Variants in SELENOF observed in about 807,000 individuals in gnomAD.
SELENOF encodes selenoprotein F.
SELENOF carries 16 observed loss-of-function variants against 20.5 expected under a neutral mutation model. That is an observed-to-expected ratio of 0.78 (90% CI 0.53 to 1.19). The LOEUF (loss-of-function observed/expected upper bound fraction) is 1.19, where lower values mean the gene tolerates loss of function less well. SELENOF is among the 50% of genes most tolerant of loss of function. The pLI, the probability that SELENOF is intolerant of heterozygous loss-of-function variation, is 0.00. For synonymous variants in SELENOF, 78 were observed against 74.5 expected (o/e 1.05, Z -0.24); for missense variants, 215 against 194.2 (o/e 1.11, Z -0.64).
rs1472849938 is a variant in SELENOF, at chr1:86,868,182, T to G, written c.317-80A>C. On this transcript the variant is annotated intron_variant, in intron 3 of 4. Coordinates refer to ENST00000331835, the MANE Select transcript of SELENOF (RefSeq NM_004261.5). The stretch of plus-strand genomic sequence containing the variant: ...AAAAAGATTAATATAAAAGTGGAAA[T>G]AAACAACAAATCAAACATTATATCC... 1.0e-5 allele frequency: 7 copies of G among 680,270 alleles called. 1 individual carries two copies. Among genetic ancestry groups the G allele is most frequent in the Non-Finnish European group, 1.5e-5 (6 of 404,566 alleles). The allele number at this position is 680,270 out of a possible 1,614,324, so 42.1% of individuals were successfully genotyped here. A position where few individuals can be genotyped will look rare whatever the true frequency, so the allele number is the denominator to read the frequency against.
intron 1 of SELENOF, among the ~76,000 whole-genome samples, chr1:86,913,130 G>A (rs1378395951): frequency 6.6e-6 from 1 of 152,146 alleles, no homozygotes. Flanking sequence ...TTTGAGAAAG[G>A]TAAGTACAGG....
In SELENOF at chr1:86,882,414, G is replaced by C. The variant is rs189141263; in HGVS notation, c.253-1689C>G. Among the ~76,000 whole-genome samples the C allele has an allele frequency of 3.9e-3, 580 of 150,460 alleles. 3 individuals carry two copies. Among genetic ancestry groups the C allele is most frequent in the African/African-American group, 0.014 (558 of 40,950 alleles). Reference sequence around the variant, plus strand: ...TTACCAATAAGCTAATGAAGGGATGGTCAATATTACTAGAGATTAGGGAAA... The same window carrying C: ...TTACCAATAAGCTAATGAAGGGATGCTCAATATTACTAGAGATTAGGGAAA... On this transcript the variant is annotated intron_variant, in intron 2 of 4. Coordinates refer to ENST00000331835, the MANE Select transcript of SELENOF (RefSeq NM_004261.5).
rs199657452 is a variant in SELENOF at position 86,914,055 on chromosome 1, C to T, written c.57G>A (p.Arg19=). ...SGCLVPAFGL[R]LLLATVLQAV... The stretch of plus-strand genomic sequence containing the variant: ...CTTGAAGCACAGTCGCCAACAACAA[C>T]CGTAGCCCAAACGCCGGCACCAGAC... The change falls in exon 1 of 5, where the codon CGG becomes CGA. Residue 19 remains arginine (R), a synonymous_variant. Coordinates refer to ENST00000331835, the MANE Select transcript of SELENOF (RefSeq NM_004261.5). 8.0e-5 allele frequency: 129 copies of T among 1,613,994 alleles called. No homozygotes were observed. In the African/African-American group the frequency reaches 1.5e-3, roughly 19 times the overall value.
rs754628331 is a variant in SELENOF, at chr1:86,903,358, C to T, written c.175G>A (p.Gly59Arg). The T allele has an allele frequency of 8.9e-5, 143 of 1,612,008 alleles. No homozygotes were observed. The South Asian group carries it at 1.0e-3, about 12-fold the overall frequency. Reference protein sequence around the residue: ...NLLCSSCDLLGQFNLLQLDPD... With the variant: ...NLLCSSCDLLRQFNLLQLDPD... ...TCCAGCTGAAGCAGGTTGAACTGTC[C>T]GAGAAGATCACAAGAGCTGCAAAGC... The change falls in exon 2 of 5, where the codon GGA becomes AGA. Residue 59 changes from glycine (G) to arginine (R), a missense_variant. Physicochemically the swap from Gly to Arg is moderately radical, Grantham distance 125. Coordinates refer to ENST00000331835, the MANE Select transcript of SELENOF (RefSeq NM_004261.5).
intron 2 of SELENOF, among the ~76,000 whole-genome samples, chr1:86,884,711 A>G (rs1659169808): frequency 6.6e-6 from 1 of 152,244 alleles, no homozygotes; most frequent in African/African-American, 2.4e-5. Context: ...AGGGAAAAAT[A>G]CCATTACAAG....
chr1:86,898,472 T>C (rs1401255457), intron 2 of SELENOF, among the ~76,000 whole-genome samples: 7 of 152,216 alleles, frequency 4.6e-5, no homozygotes, highest in Admixed American at 4.6e-4. Context: ...GATAGACCTA[T>C]ATAAAGCATC....
chr1:86,892,181 C>A (rs997451811), intron 2 of SELENOF, among the ~76,000 whole-genome samples: 17 of 151,978 alleles, frequency 1.1e-4, no homozygotes, highest in Non-Finnish European at 2.5e-4. Context: ...ATCCACCCCC[C>A]CGGCACGTTG....
At chr1:86,886,506 T>TA (rs1659224694) in intron 2 of SELENOF, among the ~76,000 whole-genome samples, 1 of 152,010 alleles carries the variant, frequency 6.6e-6, no homozygotes, top group South Asian at 2.1e-4. Context: ...CTATTTTATT[T>TA]AAAATCGAAA....
chr1:86,908,658 C>A (rs554006404), intron 1 of SELENOF, among the ~76,000 whole-genome samples: 1 of 152,064 alleles, frequency 6.6e-6, no homozygotes, highest in Admixed American at 6.5e-5. Flanking sequence ...TAAGGCCCAG[C>A]GAGATATTAA....
chr1:86,866,092 G>A (rs1357784782), intron 4 of SELENOF, among the ~76,000 whole-genome samples: 1 of 151,560 alleles, frequency 6.6e-6, no homozygotes, highest in Non-Finnish European at 1.5e-5. Flanking sequence ...AGAATCTTGG[G>A]AGGCTGAGGT....
intron 1 of SELENOF, 115 bp from the exon 2 acceptor site, chr1:86,903,563 G>T: frequency 1.5e-6 from 1 of 650,744 alleles, no homozygotes; most frequent in Non-Finnish European, 2.4e-6. Context: ...TTACTGAAAT[G>T]TTTCATTTGG....
Position 86,868,103 on chromosome 1 carries a change from CT to C in SELENOF, c.317-2del. The C allele has an allele frequency of 6.8e-7, 1 of 1,481,182 alleles. No individual in the cohort carries two copies. Among genetic ancestry groups the C allele is most frequent in the Non-Finnish European group, 9.2e-7 (1 of 1,089,652 alleles). The allele number at this position is 1,481,182 out of a possible 1,614,324, so 91.8% of individuals were successfully genotyped here. A position where few individuals can be genotyped will look rare whatever the true frequency, so the allele number is the denominator to read the frequency against. On this transcript the variant is annotated splice_acceptor_variant, in intron 3 of 4. Transcript: ENST00000331835. LOFTEE classifies it high-confidence loss of function. ...TTGGGTTTATCACTCCTAACAAAAG[CT>C]TATAAAAAAAGAAAAAAAGATTCAG... is the stretch of plus-strand genomic sequence containing the variant.
At position 86,880,686 on chromosome 1, in the gene SELENOF, A is replaced by C; in HGVS notation, c.292T>G (p.Leu98Val). 6.3e-7 allele frequency: 1 copy of C among 1,596,152 alleles called. No homozygotes were observed. Among genetic ancestry groups the C allele is most frequent in the Non-Finnish European group, 8.5e-7 (1 of 1,170,516 alleles). The change falls in exon 3 of 5, where the codon TTG becomes GTG. Residue 98 changes from leucine to valine, a missense_variant. Coordinates refer to ENST00000331835, the MANE Select transcript of SELENOF (RefSeq NM_004261.5). ...CCTTGGACTTGAGGGAACCTTCCCA[A>C]TTTTCATCCACAAACTTCAAGAATA... ...GAILEVCGUKLGRFPQVQAFV... is the reference protein window; with the variant it reads ...GAILEVCGUKVGRFPQVQAFV...
chr1:86,899,908 C>T (rs9433101), intron 2 of SELENOF, among the ~76,000 whole-genome samples: 33,493 of 145,844 alleles, frequency 0.23, 4,324 homozygotes, highest in African/African-American at 0.37. Flanking sequence ...ACCTCCCAGA[C>T]GGGGTCGCGG....
At chr1:86,884,792 AGAG>A (rs1458491768) in intron 2 of SELENOF, among the ~76,000 whole-genome samples, 1 of 152,252 alleles carries the variant, frequency 6.6e-6, no homozygotes, top group African/African-American at 2.4e-5. Flanking sequence ...AATACGAATT[AGAG>A]GAGTCTTACT....
chr1:86,884,157 T>C (rs1054188048), intron 2 of SELENOF, among the ~76,000 whole-genome samples: 3 of 152,134 alleles, frequency 2.0e-5, no homozygotes, highest in Non-Finnish European at 4.4e-5. Flanking sequence ...ACTATTCATA[T>C]AACAAAATTA....
At position 86,874,702 on chromosome 1, in the gene SELENOF, A is replaced by C. The variant is rs1658879525; in HGVS notation, c.316+5960T>G. On this transcript the variant is annotated intron_variant, in intron 3 of 4. Transcript: ENST00000331835. The stretch of plus-strand genomic sequence containing the variant: ...TCTGAGGTTAAAGAAAAATGTTTGA[A>C]TTATGTTATTTTCAAAATCACAAAC... Among the ~76,000 whole-genome samples, 3 of 152,210 alleles carry C rather than the reference A, an allele frequency of 2.0e-5. No individual in the cohort carries two copies. The South Asian group carries it at 6.2e-4, about 31-fold the overall frequency.
chr1:86,887,089 T>C, intron 2 of SELENOF: 3 of 1,447,314 alleles, frequency 2.1e-6, no homozygotes, highest in Non-Finnish European at 2.7e-6. Context: ...TCTACTGGTG[T>C]TTTAAATTTG....
At chr1:86,909,599 G>C (rs1446105943) in intron 1 of SELENOF, among the ~76,000 whole-genome samples, 1 of 152,106 alleles carries the variant, frequency 6.6e-6, no homozygotes, top group Non-Finnish European at 1.5e-5. Context: ...TATTCTCTTT[G>C]GCTACATTCT....
Sources: allele counts gnomAD v4.1 joint callset (sites outside exome capture counted in the v4.1 genomes callset), GRCh38; gene constraint gnomAD v4.1.1; transcripts MANE v1.5; gene names NCBI Gene and HGNC (gene_info 2026-07-23, HGNC 2026-07-21).